The following MYO16 variants were observed in gnomAD, a reference collection of about 807,000 sequenced individuals.
MYO16 encodes unconventional myosin-XVI.
In MYO16, 94 loss-of-function variants were observed where a neutral mutation model predicts 205.3. The observed-to-expected ratio is 0.46, with a 90% CI of 0.39 to 0.54. The LOEUF (loss-of-function observed/expected upper bound fraction) is 0.54, where lower values mean the gene tolerates loss of function less well. Ranked by LOEUF, MYO16 falls within the 20% of genes least tolerant of loss-of-function variation. The probability of loss-of-function intolerance (pLI) is 0.00; values close to 1 mark genes in which losing one functional copy is unlikely to be tolerated. For synonymous variants in MYO16, 988 were observed against 954.0 expected (o/e 1.04, Z -0.66); for missense variants, 2,315 against 2,387.5 (o/e 0.97, Z 0.63).
At chr13:108,682,661 A>T (rs1882510084) in intron 2 of MYO16, among the ~76,000 whole-genome samples, 1 of 152,188 alleles carries the variant, frequency 6.6e-6, no homozygotes, top group African/African-American at 2.4e-5. Context: ...CAAAAAGAAT[A>T]TCCTGGTCTG....
intron 16 of MYO16, among the ~76,000 whole-genome samples, chr13:108,955,198 T>A (rs748764388): frequency 3.3e-5 from 5 of 152,178 alleles, no homozygotes; most frequent in Admixed American, 6.5e-5. Context: ...GAAAGTCAGG[T>A]CATTTCTGCA....
At chr13:108,756,794 C>A (rs547429050) in intron 4 of MYO16, among the ~76,000 whole-genome samples, 1 of 152,092 alleles carries the variant, frequency 6.6e-6, no homozygotes, top group African/African-American at 2.4e-5. Flanking sequence ...TAGACACAAC[C>A]AGAAACAATG....
At chr13:108,592,085 G>A (rs1396262948), upstream of MYO16, among the ~76,000 whole-genome samples, 1 of 138,002 alleles carries the variant, frequency 7.2e-6, no homozygotes, top group Non-Finnish European at 1.6e-5. Context: ...GGTGGGGGTG[G>A]AGGTGCAGGG....
intron 27 of MYO16, among the ~76,000 whole-genome samples, chr13:109,077,917 G>A (rs887785738): frequency 7.2e-5 from 11 of 151,812 alleles, no homozygotes; most frequent in African/African-American, 2.7e-4. Flanking sequence ...TGTGTATTAG[G>A]TATTTGAAGT....
chr13:108,727,355 G>GTT, intron 3 of MYO16, 85 bp from the exon 4 acceptor site: 1 of 1,416,790 alleles, frequency 7.1e-7, no homozygotes, highest in Non-Finnish European at 9.5e-7. Flanking sequence ...TGGTATTGAA[G>GTT]TTTTTTTTTA....
At chr13:108,903,072 T>C (rs1397227711) in intron 15 of MYO16, among the ~76,000 whole-genome samples, 1 of 152,208 alleles carries the variant, frequency 6.6e-6, no homozygotes, top group African/African-American at 2.4e-5. Context: ...TATCAGATGG[T>C]GCCAGTTTCC....
intron 16 of MYO16, among the ~76,000 whole-genome samples, chr13:108,950,380 G>T (rs1040833504): frequency 3.3e-5 from 5 of 152,116 alleles, no homozygotes; most frequent in African/African-American, 1.2e-4. Context: ...ATGGGCAAAA[G>T]ACATGAAGGG....
intron 11 of MYO16, among the ~76,000 whole-genome samples, chr13:108,857,768 C>T (rs1594348727): frequency 6.6e-6 from 1 of 152,284 alleles, no homozygotes; most frequent in Middle Eastern, 3.4e-3. Context: ...ACAGCAAATA[C>T]TTCCTATGTT....
chr13:109,092,657 C>A (rs1888658006), intron 27 of MYO16, among the ~76,000 whole-genome samples: 2 of 152,136 alleles, frequency 1.3e-5, no homozygotes, highest in Admixed American at 6.6e-5. Flanking sequence ...ATAATAGGTA[C>A]AACAAACCCC....
intron 16 of MYO16, among the ~76,000 whole-genome samples, chr13:108,943,602 T>C (rs1268815712): frequency 2.0e-5 from 3 of 151,292 alleles, no homozygotes; most frequent in Non-Finnish European, 4.4e-5. Context: ...CAGGCGTGAG[T>C]CACCACACCC....
At chr13:108,709,837 C>T (rs1222775476) in intron 2 of MYO16, among the ~76,000 whole-genome samples, 1 of 134,264 alleles carries the variant, frequency 7.4e-6, no homozygotes. Context: ...AGTCCTTACT[C>T]ATGGTAATGA....
chr13:108,541,986 ATCT>A, the MYO16 span, among the ~76,000 whole-genome samples: 3 of 152,206 alleles, frequency 2.0e-5, no homozygotes, highest in Non-Finnish European at 2.9e-5. Context: ...AATACAAATC[ATCT>A]TATTATAAAC....
chr13:108,645,251 A>G (rs538061793), intron 1 of MYO16, among the ~76,000 whole-genome samples: 1 of 152,348 alleles, frequency 6.6e-6, no homozygotes, highest in African/African-American at 2.4e-5. Flanking sequence ...CATGCTACTT[A>G]CAATAGTATT....
chr13:109,104,693 G>C (rs983446901), intron 28 of MYO16, among the ~76,000 whole-genome samples: 4 of 152,142 alleles, frequency 2.6e-5, no homozygotes, highest in Admixed American at 6.5e-5. Flanking sequence ...GGCGGTGCTG[G>C]TGGAAATGCA....
intron 2 of MYO16, among the ~76,000 whole-genome samples, chr13:108,708,231 C>T (rs986760429): frequency 2.6e-5 from 4 of 152,102 alleles, no homozygotes; most frequent in Non-Finnish European, 5.9e-5. Context: ...GTGTTGATAA[C>T]ATAATTTCTA....
chr13:108,626,555 C>A (rs556462394), upstream of MYO16, among the ~76,000 whole-genome samples: 1 of 152,042 alleles, frequency 6.6e-6, no homozygotes, highest in African/African-American at 2.4e-5. Context: ...TGCCTGTAAT[C>A]CCAGCACTTT....
intron 20 of MYO16, among the ~76,000 whole-genome samples, chr13:108,984,460 T>C (rs1207004391): frequency 2.0e-5 from 3 of 152,208 alleles, no homozygotes; most frequent in Non-Finnish European, 2.9e-5. Context: ...ATGTGCCTGC[T>C]AGAACTTGTT....
chr13:108,836,444 C>T (rs1876922088), intron 9 of MYO16, among the ~76,000 whole-genome samples: 1 of 152,210 alleles, frequency 6.6e-6, no homozygotes, highest in East Asian at 1.9e-4. Flanking sequence ...GGGTTGGAGC[C>T]TCCACACAGA....
In MYO16 at chr13:108,830,369, A is replaced by G. The variant is rs1188249689; in HGVS notation, c.1097+7091A>G. Among the ~76,000 whole-genome samples the G allele has an allele frequency of 3.4e-5, 5 of 145,212 alleles. No homozygotes were observed. In the East Asian group the frequency reaches 9.8e-4, roughly 28 times the overall value. Reference sequence around the variant, plus strand: ...AGACCTGGAACCAACCCAAATGTCCAACAATGATAGACTGGATTAACAAAA... The same window carrying G: ...AGACCTGGAACCAACCCAAATGTCCGACAATGATAGACTGGATTAACAAAA... On this transcript the variant is annotated intron_variant, in intron 9 of 34. Transcript: ENST00000457511.
Sources: allele counts gnomAD v4.1 joint callset (sites outside exome capture counted in the v4.1 genomes callset), GRCh38; gene constraint gnomAD v4.1.1; transcripts MANE v1.5; gene names NCBI Gene and HGNC (gene_info 2026-07-23, HGNC 2026-07-21).